Variants in PCBP4 observed in about 807,000 individuals in gnomAD.
The protein encoded by PCBP4 is poly(rC)-binding protein 4.
PCBP4 carries 24 observed loss-of-function variants against 46.2 expected under a neutral mutation model. The ratio of observed to expected loss-of-function variants is 0.52; its 90% CI spans 0.38 to 0.73. PCBP4 has a LOEUF of 0.73. PCBP4 is among the 30% of genes least tolerant of loss of function. The pLI is 0.00. For missense variants in PCBP4, 407 were observed against 537.0 expected (o/e 0.76, Z 2.39); for synonymous variants, 203 against 224.4 (o/e 0.90, Z 0.85).
At chr3:51,961,343 A>G (rs1700167842) in intron 2 of PCBP4, 39 bp from the exon 3 acceptor site, 1 of 1,501,940 alleles carries the variant, frequency 6.7e-7, no homozygotes, top group Admixed American at 2.0e-5. Context: ...AGAGGAGCCC[A>G]GTCCACCCTG....
At chr3:51,965,870 G>T (rs1337391060) in intron 1 of PCBP4, among the ~76,000 whole-genome samples, 2 of 152,144 alleles carry the variant, frequency 1.3e-5, no homozygotes, top group Non-Finnish European at 2.9e-5. Flanking sequence ...GGTTTTCAGA[G>T]GGTGGGAGCA....
Position 51,961,300 on chromosome 3 carries a change from C to A in PCBP4, c.-60G>T, listed in dbSNP as rs749932268. 3.8e-6 allele frequency: 6 copies of A among 1,569,864 alleles called. No individual in the cohort carries two copies. In the African/African-American group the frequency reaches 6.8e-5, roughly 18 times the overall value. On this transcript the variant is annotated 5_prime_UTR_variant, in exon 3 of 14. Transcript: ENST00000461554. The stretch of plus-strand genomic sequence containing the variant: ...GAGTGTGTCCGCGCTGCAACCTGGC[C>A]GGCTCTGGCAGGGGCAGCCAAAGAG...
chr3:51,963,075 C>T (rs1700256960), intron 1 of PCBP4: 3 of 152,290 alleles, frequency 2.0e-5, no homozygotes, highest in Admixed American at 2.0e-4. Context: ...GAGCAGGAGC[C>T]AAGGCTGCTG....
In PCBP4 at chr3:51,959,202, C is replaced by T; in HGVS notation, c.700+27G>A. On this transcript the variant is annotated intron_variant, in intron 11 of 13. Coordinates refer to ENST00000461554, the MANE Select transcript of PCBP4 (RefSeq NM_001174100.2). The surrounding 1 kb of genome is among the most constrained non-coding windows in gnomAD (Gnocchi z 5.6). ...GGGCTGCCCTCTTAGGACCCTCCCC[C>T]TGCCTCCTTGTGCAGGGGTGGCTTA... 5.0e-6 allele frequency: 8 copies of T among 1,613,800 alleles called. No homozygotes were observed. Among genetic ancestry groups the T allele is most frequent in the Non-Finnish European group, 6.8e-6 (8 of 1,179,754 alleles).
chr3:51,958,141 CCGG>C lies in PCBP4; in HGVS notation c.1129_1131del (p.Pro377del), dbSNP rs773453844. The C allele has an allele frequency of 6.2e-7, 1 of 1,611,670 alleles. No homozygotes were observed. The highest frequency in any genetic ancestry group is 1.1e-5 in the South Asian group (1 of 90,862). On this transcript the variant is annotated inframe_deletion, in exon 14 of 14. Transcript: ENST00000461554. This position sits in a 1 kb window ranked among gnomAD's most constrained non-coding sequence, Gnocchi z 5.4. ...ATCTTGGCAGTGTAGGCCGCCAAGCCCGGCGGCGGCCCTGGGGAAGCAGGTGGT... is the reference window on the plus strand; with the variant it reads ...ATCTTGGCAGTGTAGGCCGCCAAGCCCGGCGGCCCTGGGGAAGCAGGTGGT...
intron 1 of PCBP4, among the ~76,000 whole-genome samples, 162 bp from the exon 2 acceptor site, chr3:51,962,250 G>A (rs1327852937): frequency 6.6e-6 from 1 of 152,142 alleles, no homozygotes; most frequent in Non-Finnish European, 1.5e-5. Flanking sequence ...GGTAAGAAAA[G>A]GATTTGGTGG....
Position 51,957,913 on chromosome 3 carries a change from T to C in PCBP4, c.*148A>G, listed in dbSNP as rs1003581071. ...CCCACTCTGAGAGAAAGAACTCCCA[T>C]AGATGGAGGCAGGGTAGGGGGTGCA... On this transcript the variant is annotated 3_prime_UTR_variant, in exon 14 of 14. Transcript: ENST00000461554. 8 of 714,436 alleles carry C rather than the reference T, an allele frequency of 1.1e-5. No homozygotes were observed. Among genetic ancestry groups the C allele is most frequent in the African/African-American group, 1.1e-4 (6 of 55,334 alleles). 44.3% of individuals were successfully genotyped at this position (714,436 alleles called of 1,614,324 possible). A position where few individuals can be genotyped will look rare whatever the true frequency, so the allele number is the denominator to read the frequency against.
In PCBP4 at chr3:51,959,735, C is replaced by A. The variant is rs1700049817; in HGVS notation, c.517-84G>T. The A allele has an allele frequency of 2.7e-6, 4 of 1,467,756 alleles. No individual in the cohort carries two copies. The allele number at this position is 1,467,756 out of a possible 1,614,324, so 90.9% of individuals were successfully genotyped here. ...CTGCCCAGTGGCCTCAGGCCCCCAC[C>A]ATGACCCCCAGGGAAATGCACATGA... On this transcript the variant is annotated intron_variant, in intron 8 of 13. Coordinates refer to ENST00000461554, the MANE Select transcript of PCBP4 (RefSeq NM_001174100.2). The surrounding 1 kb of genome is among the most constrained non-coding windows in gnomAD (Gnocchi z 5.6).
Position 51,959,682 on chromosome 3 carries a change from C to A in PCBP4, c.517-31G>T. On this transcript the variant is annotated intron_variant, in intron 8 of 13. Coordinates refer to ENST00000461554, the MANE Select transcript of PCBP4 (RefSeq NM_001174100.2). The surrounding 1 kb of genome is among the most constrained non-coding windows in gnomAD (Gnocchi z 5.6). ...AGGCATAAACAGGGCTCTGTCAGGA[C>A]CCTCTCAGGCTCCGATAACCTCCCC... 6.5e-7 allele frequency: 1 copy of A among 1,539,644 alleles called. No individual in the cohort carries two copies. Among genetic ancestry groups the A allele is most frequent in the Non-Finnish European group, 8.8e-7 (1 of 1,136,254 alleles).
In PCBP4 at chr3:51,960,658, G is replaced by A. The variant is rs746063110; in HGVS notation, c.139-16C>T. On this transcript the variant is annotated splice_polypyrimidine_tract_variant and intron_variant, in intron 5 of 13. Transcript: ENST00000461554. The surrounding 1 kb of genome is among the most constrained non-coding windows in gnomAD (Gnocchi z 5.0). ...GGGCACTGCTCTGCAGATATAGAAT[G>A]AGCGCCGGGCAGCGGGGCATCTTCC... The A allele has an allele frequency of 1.7e-5, 27 of 1,597,384 alleles. No homozygotes were observed. The highest frequency in any genetic ancestry group is 2.2e-5 in the Non-Finnish European group (26 of 1,164,930).
chr3:51,966,211 G>T (rs1700413978), intron 1 of PCBP4, among the ~76,000 whole-genome samples: 1 of 152,126 alleles, frequency 6.6e-6, no homozygotes, highest in Non-Finnish European at 1.5e-5. Context: ...GGTGGGGCAA[G>T]CCAGCCTCCT....
In PCBP4 at chr3:51,958,405, C is replaced by T; in HGVS notation, c.924-56G>A. 8.2e-7 allele frequency: 1 copy of T among 1,216,362 alleles called. No individual in the cohort carries two copies. The highest frequency in any genetic ancestry group is 1.1e-6 in the Non-Finnish European group (1 of 903,790). The allele number at this position is 1,216,362 out of a possible 1,614,324, so 75.3% of individuals were successfully genotyped here. A position where few individuals can be genotyped will look rare whatever the true frequency, so the allele number is the denominator to read the frequency against. On this transcript the variant is annotated intron_variant, in intron 13 of 13. Coordinates refer to ENST00000461554, the MANE Select transcript of PCBP4 (RefSeq NM_001174100.2). This position sits in a 1 kb window ranked among gnomAD's most constrained non-coding sequence, Gnocchi z 5.4. ...GGGGAAAGTGGGAGTGAGAGAGGGG[C>T]AATGAGGGCAGAGATGGGCATGAGA...
rs1700046206 is a variant in PCBP4, at chr3:51,959,674, T to C, written c.517-23A>G. On this transcript the variant is annotated intron_variant, in intron 8 of 13. Transcript: ENST00000461554. This position sits in a 1 kb window ranked among gnomAD's most constrained non-coding sequence, Gnocchi z 5.6. ...GGACTGGAAGGCATAAACAGGGCTC[T>C]GTCAGGACCCTCTCAGGCTCCGATA... 1.9e-6 allele frequency: 3 copies of C among 1,547,110 alleles called. No individual in the cohort carries two copies. The highest frequency in any genetic ancestry group is 3.3e-4 in the Middle Eastern group (2 of 5,976).
chr3:51,962,755 C>T (rs1158633905), intron 1 of PCBP4: 2 of 152,292 alleles, frequency 1.3e-5, no homozygotes, highest in Non-Finnish European at 2.9e-5. Context: ...CAGCCTGGCT[C>T]CTTCTCAGAA....
Position 51,961,271 on chromosome 3 carries a change from C to T in PCBP4, c.-31G>A. The T allele has an allele frequency of 1.2e-6, 2 of 1,604,844 alleles. No individual in the cohort carries two copies. The highest frequency in any genetic ancestry group is 1.7e-6 in the Non-Finnish European group (2 of 1,178,196). On this transcript the variant is annotated 5_prime_UTR_variant, in exon 3 of 14. Coordinates refer to ENST00000461554, the MANE Select transcript of PCBP4 (RefSeq NM_001174100.2). ...CAGGCGAGGCTGGGGCCACAGCGAC[C>T]TGCGAGTGTGTCCGCGCTGCAACCT...
Position 51,958,117 on chromosome 3 carries a change from T to C in PCBP4, c.1156A>G (p.Met386Val), listed in dbSNP as rs762399961. 1.2e-6 allele frequency: 2 copies of C among 1,602,150 alleles called. No individual in the cohort carries two copies. Among genetic ancestry groups the C allele is most frequent in the South Asian group, 1.1e-5 (1 of 89,560 alleles). Residue 386 changes from methionine to valine, a missense_variant, in exon 14 of 14, where the codon ATG becomes GTG. Physicochemically the swap from Met to Val is conservative, Grantham distance 21 (BLOSUM62 1). Coordinates refer to ENST00000461554, the MANE Select transcript of PCBP4 (RefSeq NM_001174100.2). The surrounding 1 kb of genome is among the most constrained non-coding windows in gnomAD (Gnocchi z 5.4). The stretch of plus-strand genomic sequence containing the variant: ...TTCTTGCTCCCATTAGCTGCTGCCA[T>C]CTTGGCAGTGTAGGCCGCCAAGCCC... ...PPGLAAYTAK[M>V]AAANGSKKAE...
At position 51,959,376 on chromosome 3, in the gene PCBP4, G is replaced by C; in HGVS notation, c.627C>G (p.Thr209=). The C allele has an allele frequency of 6.2e-7, 1 of 1,612,654 alleles. No individual in the cohort carries two copies. Among genetic ancestry groups the C allele is most frequent in the African/African-American group, 1.3e-5 (1 of 75,006 alleles). ...FSVQGQYGAV[T]PAEVTKLQQL... Reference sequence around the variant, plus strand: ...GCTATGGGTCACTCACCTCAGCTGGGGTCACAGCCCCATACTGACCCTGGA... The same window carrying C: ...GCTATGGGTCACTCACCTCAGCTGGCGTCACAGCCCCATACTGACCCTGGA... The change falls in exon 10 of 14, where the codon ACC becomes ACG. Residue 209 remains threonine, a synonymous_variant. Transcript: ENST00000461554. The surrounding 1 kb of genome is among the most constrained non-coding windows in gnomAD (Gnocchi z 5.6).
In PCBP4 at chr3:51,957,967, G is replaced by T; in HGVS notation, c.*94C>A. On this transcript the variant is annotated 3_prime_UTR_variant, in exon 14 of 14. Coordinates refer to ENST00000461554, the MANE Select transcript of PCBP4 (RefSeq NM_001174100.2). ...ATGCGTCTGGGCGTTAGCGGCGTTT[G>T]GGACCCCAGGGTGGAGTCTCCTTGG... The T allele has an allele frequency of 4.9e-6, 6 of 1,220,044 alleles. No homozygotes were observed. Among genetic ancestry groups the T allele is most frequent in the South Asian group, 1.5e-5 (1 of 64,528 alleles). The allele number at this position is 1,220,044 out of a possible 1,614,324, so 75.6% of individuals were successfully genotyped here. A position where few individuals can be genotyped will look rare whatever the true frequency, so the allele number is the denominator to read the frequency against.
intron 1 of PCBP4, among the ~76,000 whole-genome samples, chr3:51,965,918 G>C (rs1318994659): frequency 6.6e-6 from 1 of 152,204 alleles, no homozygotes; most frequent in Non-Finnish European, 1.5e-5. Context: ...ACTGGAAGAA[G>C]GGCTGGGGGG....
Sources: gnomAD v4.1 joint callset for allele counts (sites outside exome capture counted in the v4.1 genomes callset) on GRCh38, gnomAD v4.1.1 for gene constraint, Gnocchi (gnomAD v3.1) non-coding constraint, MANE v1.5 for transcripts, NCBI Gene and HGNC (gene_info 2026-07-23, HGNC 2026-07-21) for gene names.